Variants in ANK1 observed in about 807,000 individuals in gnomAD.
ANK1 encodes the protein ankyrin 1.
A neutral mutation model predicts 210.4 loss-of-function variants in ANK1; 51 were observed. The ratio of observed to expected loss-of-function variants is 0.24; its 90% CI spans 0.19 to 0.31. The LOEUF (loss-of-function observed/expected upper bound fraction) is 0.31. ANK1 is among the 10% of genes least tolerant of loss of function. ANK1 has a pLI of 1.00. For synonymous variants in ANK1, 967 were observed against 1,025.9 expected, an observed-to-expected ratio of 0.94 and a Z score of 1.10; for missense variants, 2,051 against 2,504.4, an observed-to-expected ratio of 0.82 and a Z score of 3.86.
intron 1 of ANK1, among the ~76,000 whole-genome samples, chr8:41,764,800 T>A (rs1323210348): frequency 2.0e-5 from 3 of 152,218 alleles, no homozygotes; most frequent in Non-Finnish European, 1.5e-5. Flanking sequence ...TGAACTTCCT[T>A]TCAAAACAAA....
chr8:41,674,519 TG>T (rs1426273844), intron 37 of ANK1, among the ~76,000 whole-genome samples: 5 of 152,226 alleles, frequency 3.3e-5, no homozygotes, highest in African/African-American at 1.2e-4. Context: ...ACAACAGGAT[TG>T]GGCCTCCACT....
chr8:41,674,099 G>A (rs1340881542), intron 37 of ANK1, among the ~76,000 whole-genome samples: 5 of 152,090 alleles, frequency 3.3e-5, no homozygotes, highest in African/African-American at 1.2e-4. Flanking sequence ...CAAGCCAGGC[G>A]GGCTCCTTTC....
chr8:41,860,530 A>G (rs1587474306), intron 1 of ANK1, among the ~76,000 whole-genome samples: 1 of 152,228 alleles, frequency 6.6e-6, no homozygotes, highest in Admixed American at 6.5e-5. Context: ...TGGGAAGGCC[A>G]GCTCCAGTTG....
At position 41,704,893 on chromosome 8, in the gene ANK1, A is replaced by T. The variant is rs1369760621; in HGVS notation, c.2098-421T>A. On this transcript the variant is annotated intron_variant, in intron 18 of 42. Coordinates refer to ENST00000289734, the MANE Select transcript of ANK1 (RefSeq NM_000037.4). This position sits in a 1 kb window ranked among gnomAD's most constrained non-coding sequence, Gnocchi z 4.1. ...GGAGCTATTTCAAGAAGGAAGAAAC[A>T]GCCTTCAGGCCTGGGAAGGGTGCTG... Among the ~76,000 whole-genome samples the T allele has an allele frequency of 6.6e-6, 1 of 152,126 alleles. No individual in the cohort carries two copies. The highest frequency in any genetic ancestry group is 1.5e-5 in the Non-Finnish European group (1 of 68,012).
intron 14 of ANK1, 123 bp downstream of exon 14, chr8:41,715,529 C>G: frequency 7.7e-7 from 1 of 1,294,842 alleles, no homozygotes; most frequent in Non-Finnish European, 1.1e-6. Flanking sequence ...GTGTGACGAC[C>G]CTTCCAGCTG....
At chr8:41,769,606 AT>A (rs907408450) in intron 1 of ANK1, among the ~76,000 whole-genome samples, 4 of 152,324 alleles carry the variant, frequency 2.6e-5, no homozygotes, top group African/African-American at 9.6e-5. Flanking sequence ...AAGAGATACT[AT>A]TTTTTAGCAA....
chr8:41,771,105 T>C (rs1842877324), intron 1 of ANK1, among the ~76,000 whole-genome samples: 1 of 152,236 alleles, frequency 6.6e-6, no homozygotes, highest in Admixed American at 6.5e-5. Flanking sequence ...CCATGAGTCA[T>C]AAAGAAACTG....
At chr8:41,726,324 A>G (rs1830685848) in intron 5 of ANK1, among the ~76,000 whole-genome samples, 1 of 152,190 alleles carries the variant, frequency 6.6e-6, no homozygotes, top group South Asian at 2.1e-4. Flanking sequence ...GCAGAACATT[A>G]CTAACACCGA....
intron 2 of ANK1, among the ~76,000 whole-genome samples, chr8:41,750,338 C>T (rs1025803813): frequency 3.3e-5 from 5 of 152,162 alleles, no homozygotes; most frequent in Admixed American, 1.3e-4. Flanking sequence ...CTTTTGTGAT[C>T]GTTCAGATGG....
intron 39 of ANK1, among the ~76,000 whole-genome samples, chr8:41,666,069 A>C (rs1810440471): frequency 1.3e-5 from 2 of 152,238 alleles, no homozygotes; most frequent in Non-Finnish European, 2.9e-5. Context: ...ACAGCAGACT[A>C]ACCCTGCAAC....
At chr8:41,786,739 C>T (rs1015041559) in intron 1 of ANK1, among the ~76,000 whole-genome samples, 1 of 152,158 alleles carries the variant, frequency 6.6e-6, no homozygotes, top group Admixed American at 6.5e-5. Context: ...ACACTGAAAA[C>T]AAGTGAATAT....
At chr8:41,857,662 C>T (rs1377993725) in intron 1 of ANK1, among the ~76,000 whole-genome samples, 3 of 151,358 alleles carry the variant, frequency 2.0e-5, no homozygotes, top group Non-Finnish European at 1.5e-5. Flanking sequence ...CACTTGAACC[C>T]GGGAGGCTGA....
intron 2 of ANK1, among the ~76,000 whole-genome samples, chr8:41,754,171 TCTATCC>T (rs1433315012): frequency 6.6e-6 from 1 of 152,256 alleles, no homozygotes; most frequent in Non-Finnish European, 1.5e-5. Context: ...ATGAAATTAT[TCTATCC>T]CTTCAGCCCA....
intron 2 of ANK1, among the ~76,000 whole-genome samples, chr8:41,739,736 C>G (rs1586609065): frequency 6.6e-6 from 1 of 152,018 alleles, no homozygotes; most frequent in African/African-American, 2.4e-5. Flanking sequence ...TGCACCACAG[C>G]CTTCACATTC....
rs770618612 is a variant in ANK1, at chr8:41,684,465, T to C, written c.4537+79A>G. 4 of 1,586,600 alleles carry C rather than the reference T, an allele frequency of 2.5e-6. No individual in the cohort carries two copies. In the South Asian group the frequency reaches 3.3e-5, roughly 13 times the overall value. On this transcript the variant is annotated intron_variant, in intron 37 of 42. Transcript: ENST00000289734. ...GAGCGGGCTTTGAGGGATGACGTAT[T>C]GTGGGAAGGGGTTATTGGTGCTGAT...
intron 1 of ANK1, among the ~76,000 whole-genome samples, chr8:41,782,018 A>C (rs1586908417): frequency 1.3e-5 from 2 of 152,326 alleles, no homozygotes; most frequent in Middle Eastern, 6.8e-3. Flanking sequence ...AAGTAAACCC[A>C]GGGATTTAAA....
chr8:41,797,411 G>T lies in ANK1; in HGVS notation c.27+101C>A. 9.4e-7 allele frequency: 1 copy of T among 1,060,650 alleles called. No individual in the cohort carries two copies. Among genetic ancestry groups the T allele is most frequent in the Non-Finnish European group, 1.4e-6 (1 of 702,836 alleles). 65.7% of individuals were successfully genotyped at this position (1,060,650 alleles called of 1,614,324 possible). ...CCCACGGGGAGGCGAGGCGGGTGGG[G>T]TGTGCAAAGCTGCTCTTGCTCGCGT... On this transcript the variant is annotated intron_variant, in intron 1 of 42. Transcript: ENST00000289734. The surrounding 1 kb of genome is among the most constrained non-coding windows in gnomAD (Gnocchi z 4.0).
intron 24 of ANK1, 103 bp downstream of exon 24, chr8:41,697,940 T>A: frequency 9.7e-7 from 1 of 1,027,010 alleles, no homozygotes; most frequent in Non-Finnish European, 1.5e-6. Context: ...GCATGTGAGC[T>A]ATTAGTGCCT....
chr8:41,810,037 G>A (rs1802256372), intron 1 of ANK1, among the ~76,000 whole-genome samples: 1 of 152,212 alleles, frequency 6.6e-6, no homozygotes, highest in Non-Finnish European at 1.5e-5. Context: ...AGGGGGGACA[G>A]GGAGAGAGAC....
Sources: gnomAD v4.1 joint callset for allele counts (sites outside exome capture counted in the v4.1 genomes callset) on GRCh38, gnomAD v4.1.1 for gene constraint, Gnocchi (gnomAD v3.1) non-coding constraint, MANE v1.5 for transcripts, NCBI Gene and HGNC (gene_info 2026-07-23, HGNC 2026-07-21) for gene names.